The following TMEM272 variants were observed in gnomAD, a reference collection of about 807,000 sequenced individuals.
TMEM272 encodes transmembrane protein 272.
In TMEM272, 8 loss-of-function variants were observed where a neutral mutation model predicts 3.7. The ratio of observed to expected loss-of-function variants is 2.17; its 90% CI spans 1.27 to 3.91. The LOEUF (loss-of-function observed/expected upper bound fraction) is 3.91, where lower values mean the gene tolerates loss of function less well. Among genes scored for constraint, TMEM272 ranks in the 30% most tolerant of loss-of-function variants. The probability of loss-of-function intolerance (pLI) is 0.00; values close to 1 mark genes in which losing one functional copy is unlikely to be tolerated. For missense variants in TMEM272, 166 were observed against 91.5 expected (o/e 1.81, Z -3.32); for synonymous variants, 63 against 39.8 (o/e 1.58, Z -2.20).
At chr13:51,857,363 C>A in the TMEM272 span, among the ~76,000 whole-genome samples, 1 of 151,330 alleles carries the variant, frequency 6.6e-6, no homozygotes, top group Admixed American at 6.6e-5. Flanking sequence ...AACAGAAGCA[C>A]AGAGATGCAG....
chr13:51,865,780 C>T, the TMEM272 span: 1 of 1,614,160 alleles, frequency 6.2e-7, no homozygotes, highest in South Asian at 1.1e-5. Context: ...AGGATAAGGC[C>T]TTCTGGAAAG....
upstream of TMEM272, among the ~76,000 whole-genome samples, chr13:51,848,149 G>C (rs995538158): frequency 1.3e-5 from 2 of 152,208 alleles, no homozygotes; most frequent in Non-Finnish European, 2.9e-5. Context: ...GCACGATGTC[G>C]TGGTGGAGTA....
the TMEM272 span, among the ~76,000 whole-genome samples, chr13:51,925,672 T>C: frequency 1.3e-5 from 2 of 152,100 alleles, no homozygotes; most frequent in Admixed American, 6.5e-5. Context: ...CTCCCACAGC[T>C]TGCCAAGGAG....
the TMEM272 span, among the ~76,000 whole-genome samples, chr13:51,881,740 GAC>G: frequency 6.6e-6 from 1 of 152,120 alleles, no homozygotes; most frequent in Admixed American, 6.5e-5. Flanking sequence ...GCAGCAAGAA[GAC>G]ACCACCTATG....
the TMEM272 span, among the ~76,000 whole-genome samples, chr13:51,906,064 T>C: frequency 6.6e-6 from 1 of 152,244 alleles, no homozygotes; most frequent in African/African-American, 2.4e-5. Flanking sequence ...TTACAGGCTG[T>C]GTGTTCTGGA....
chr13:51,815,645 G>A lies in TMEM272; in HGVS notation c.*1106C>T, dbSNP rs1956014274. On this transcript the variant is annotated 3_prime_UTR_variant, in exon 5 of 5. Transcript: ENST00000629372. ...CCACGCACCCCTGGGCACTGCCCTA[G>A]AAACACTCATGACAGTATCTTCATA... 1 of 152,290 alleles carries A rather than the reference G, an allele frequency of 6.6e-6. No homozygotes were observed. Among genetic ancestry groups the A allele is most frequent in the Non-Finnish European group, 1.5e-5 (1 of 68,064 alleles). 9.4% of individuals were successfully genotyped at this position (152,290 alleles called of 1,614,324 possible). A position where few individuals can be genotyped will look rare whatever the true frequency, so the allele number is the denominator to read the frequency against.
At chr13:51,846,483 C>T (rs1356926308), upstream of TMEM272, among the ~76,000 whole-genome samples, 1 of 151,092 alleles carries the variant, frequency 6.6e-6, no homozygotes, top group Non-Finnish European at 1.5e-5. Flanking sequence ...GCACATGATA[C>T]TTTACAGTAA....
the TMEM272 span, among the ~76,000 whole-genome samples, chr13:51,869,871 C>CA: frequency 6.6e-6 from 1 of 152,182 alleles, no homozygotes. Flanking sequence ...AGAAATCCTG[C>CA]AGTCGAAGAG....
intron 3 of TMEM272, among the ~76,000 whole-genome samples, chr13:51,824,680 C>T (rs573501590): frequency 2.0e-5 from 3 of 152,298 alleles, no homozygotes; most frequent in South Asian, 4.1e-4. Context: ...TGGCTGGGCG[C>T]GGTGGCTCAT....
At chr13:51,927,862 A>C in the TMEM272 span, among the ~76,000 whole-genome samples, 2 of 152,194 alleles carry the variant, frequency 1.3e-5, no homozygotes, top group Non-Finnish European at 2.9e-5. Flanking sequence ...CATTTTATGT[A>C]CATAATTCCC....
intron 4 of TMEM272, among the ~76,000 whole-genome samples, chr13:51,821,668 C>CA (rs386379191): frequency 0.088 from 2,494 of 28,480 alleles, 151 homozygotes; most frequent in African/African-American, 0.19. Flanking sequence ...TTTTTTTCCT[C>CA]AAAAAAAAAA....
At chr13:51,894,779 C>T in the TMEM272 span, among the ~76,000 whole-genome samples, 3 of 152,054 alleles carry the variant, frequency 2.0e-5, no homozygotes, top group Non-Finnish European at 2.9e-5. Flanking sequence ...GATTCAAGTG[C>T]ATTACATTTA....
the TMEM272 span, chr13:51,908,987 T>C: frequency 1.4e-6 from 2 of 1,434,236 alleles, no homozygotes; most frequent in Non-Finnish European, 2.0e-6. Context: ...GAAGCAAAGG[T>C]GAGAGTCTCA....
chr13:51,863,896 A>C, the TMEM272 span, among the ~76,000 whole-genome samples: 1 of 152,312 alleles, frequency 6.6e-6, no homozygotes, highest in Admixed American at 6.5e-5. Context: ...TGCTGTCAGC[A>C]TGTGCCTGCA....
intron 3 of TMEM272, among the ~76,000 whole-genome samples, chr13:51,824,923 G>A (rs914699978): frequency 2.6e-5 from 4 of 152,156 alleles, no homozygotes; most frequent in South Asian, 2.1e-4. Context: ...ACTGCACTCC[G>A]GCCTGGGCGA....
chr13:51,854,607 G>C, the TMEM272 span, among the ~76,000 whole-genome samples: 9 of 152,150 alleles, frequency 5.9e-5, no homozygotes, highest in African/African-American at 2.2e-4. Flanking sequence ...AAACTGCCTT[G>C]GTTCAAATCT....
intron 1 of TMEM272, among the ~76,000 whole-genome samples, chr13:51,841,771 T>G (rs1211994761): frequency 6.6e-6 from 1 of 152,216 alleles, no homozygotes; most frequent in East Asian, 1.9e-4. Flanking sequence ...TTAGATCCAT[T>G]TTATAAATGA....
At chr13:51,905,810 A>T in the TMEM272 span, among the ~76,000 whole-genome samples, 1 of 152,244 alleles carries the variant, frequency 6.6e-6, no homozygotes, top group Non-Finnish European at 1.5e-5. Context: ...GTGTCTGAGG[A>T]CAATGCCCCA....
chr13:51,890,066 G>C, the TMEM272 span, among the ~76,000 whole-genome samples: 1 of 152,198 alleles, frequency 6.6e-6, no homozygotes, highest in Admixed American at 6.5e-5. Flanking sequence ...AGCAACACTG[G>C]TGGTGGCTGT....
Sources: allele counts gnomAD v4.1 joint callset (sites outside exome capture counted in the v4.1 genomes callset), GRCh38; gene constraint gnomAD v4.1.1; transcripts MANE v1.5; gene names NCBI Gene and HGNC (gene_info 2026-07-23, HGNC 2026-07-21).